FAIM2: variants seen among roughly 807,000 people sequenced by gnomAD.
The protein encoded by FAIM2 is Fas apoptotic inhibitory molecule 2.
Under a neutral mutation model 47.4 loss-of-function variants are expected in FAIM2, and 27 were observed. The ratio of observed to expected loss-of-function variants is 0.57; its 90% confidence interval spans 0.42 to 0.78. The LOEUF (loss-of-function observed/expected upper bound fraction) is 0.78. Ranked by LOEUF, FAIM2 falls within the 30% of genes least tolerant of loss-of-function variation. The probability of loss-of-function intolerance (pLI) is 0.00; values close to 1 mark genes in which losing one functional copy is unlikely to be tolerated. For missense variants in FAIM2, 311 were observed against 389.4 expected (o/e 0.80, Z 1.69); for synonymous variants, 156 against 159.3 (o/e 0.98, Z 0.16).
chr12:49,876,934 G>A (rs1417087248), intron 11 of FAIM2, among the ~76,000 whole-genome samples: 1 of 152,206 alleles, frequency 6.6e-6, no homozygotes, highest in East Asian at 1.9e-4. Context: ...GCACAGAGCA[G>A]TCAGGTCATT....
rs181545006 is a variant in FAIM2, at chr12:49,897,712, G to A, written c.316-129C>T. On this transcript the variant is annotated intron_variant, in intron 3 of 11. Coordinates refer to ENST00000320634, the MANE Select transcript of FAIM2 (RefSeq NM_012306.4). Reference sequence around the variant, plus strand: ...ACCCTCCTTTTTGGGGGTCATTGGAGTGAACCCAGGGCAAGGCGAAAGGAA... The same window carrying A: ...ACCCTCCTTTTTGGGGGTCATTGGAATGAACCCAGGGCAAGGCGAAAGGAA... 1.3e-4 allele frequency: 89 copies of A among 705,234 alleles called. No homozygotes were observed. In the East Asian group the frequency reaches 2.0e-3, roughly 16 times the overall value. The allele number at this position is 705,234 out of a possible 1,614,324, so 43.7% of individuals were successfully genotyped here. A position where few individuals can be genotyped will look rare whatever the true frequency, so the allele number is the denominator to read the frequency against.
At chr12:49,900,831 C>T (rs1037089108) in intron 2 of FAIM2, among the ~76,000 whole-genome samples, 4 of 152,172 alleles carry the variant, frequency 2.6e-5, no homozygotes, top group African/African-American at 4.8e-5. Flanking sequence ...TCTTAACTAG[C>T]CCTTAGCTTT....
rs1281016155 is a variant in FAIM2, at chr12:49,882,293, C to A, written c.801+5093G>T. ...GTGCTAGTTATGGGATAGGCTGGAGCTAGGGGACCACAGAGTCCGCAGGCC... is the reference window on the plus strand; with the variant it reads ...GTGCTAGTTATGGGATAGGCTGGAGATAGGGGACCACAGAGTCCGCAGGCC... On this transcript the variant is annotated intron_variant, in intron 11 of 11. Transcript: ENST00000320634. Among the ~76,000 whole-genome samples, 12 of 152,256 alleles carry A rather than the reference C, an allele frequency of 7.9e-5. No homozygotes were observed. The East Asian group carries it at 2.3e-3, about 30-fold the overall frequency.
intron 5 of FAIM2, among the ~76,000 whole-genome samples, chr12:49,891,471 A>T (rs1001283604): frequency 6.6e-6 from 1 of 152,204 alleles, no homozygotes; most frequent in Non-Finnish European, 1.5e-5. Context: ...TACGAGTATC[A>T]ACGAATGTAA....
chr12:49,896,084 G>A (rs919113027), intron 5 of FAIM2, among the ~76,000 whole-genome samples: 16 of 152,322 alleles, frequency 1.1e-4, no homozygotes, highest in African/African-American at 3.4e-4. Context: ...TGGGCTGCGT[G>A]TACAGGCTCA....
intron 5 of FAIM2, among the ~76,000 whole-genome samples, 166 bp from the exon 6 acceptor site, chr12:49,891,280 G>A (rs1429450907): frequency 6.6e-6 from 1 of 152,074 alleles, no homozygotes; most frequent in Non-Finnish European, 1.5e-5. Context: ...CAGGGTGGTG[G>A]TCCAGTTCCA....
At chr12:49,888,156 C>T (rs115607317) in intron 10 of FAIM2, among the ~76,000 whole-genome samples, 1,546 of 152,296 alleles carry the variant, frequency 0.01, 19 homozygotes, top group African/African-American at 0.035. Context: ...TTTGAAGTTC[C>T]GTGGCCCCTT....
chr12:49,878,732 ATG>A (rs1163168170), intron 11 of FAIM2, among the ~76,000 whole-genome samples: 4 of 110,390 alleles, frequency 3.6e-5, no homozygotes, highest in African/African-American at 1.3e-4. Context: ...GTCTGTGTGC[ATG>A]TGAGTGTATA....
At position 49,903,773 on chromosome 12, in the gene FAIM2, G is replaced by T; in HGVS notation, c.15+5C>A. 1 of 1,549,170 alleles carries T rather than the reference G, an allele frequency of 6.5e-7. No individual in the cohort carries two copies. Among genetic ancestry groups the T allele is most frequent in the Non-Finnish European group, 8.7e-7 (1 of 1,145,954 alleles). ...GGATGGTGCAGGCTGGGGAGATGCC[G>T]GTACCTTTCCCTGGGTCATGGTGCC... is the stretch of plus-strand genomic sequence containing the variant. On this transcript the variant is annotated splice_donor_5th_base_variant and intron_variant, in intron 1 of 11. Transcript: ENST00000320634.
chr12:49,894,615 C>T (rs748376779), intron 5 of FAIM2, among the ~76,000 whole-genome samples: 2 of 152,196 alleles, frequency 1.3e-5, no homozygotes, highest in Non-Finnish European at 2.9e-5. Flanking sequence ...TACAGAATGT[C>T]AGGACAGGGA....
chr12:49,901,489 G>A lies in FAIM2; in HGVS notation c.16-164C>T, dbSNP rs1038800240. 98 of 567,462 alleles carry A rather than the reference G, an allele frequency of 1.7e-4. 1 individual carries two copies. The highest frequency in any genetic ancestry group is 2.8e-4 in the Non-Finnish European group (95 of 337,596). 35.2% of individuals were successfully genotyped at this position (567,462 alleles called of 1,614,324 possible). ...GAATGTCTCTATTTTATAGACAAGAGAACTAAGCTCCAGAGGGGTCAGAGC... is the reference window on the plus strand; with the variant it reads ...GAATGTCTCTATTTTATAGACAAGAAAACTAAGCTCCAGAGGGGTCAGAGC... On this transcript the variant is annotated intron_variant, in intron 1 of 11. Transcript: ENST00000320634.
At chr12:49,899,870 C>A (rs891805323) in intron 2 of FAIM2, among the ~76,000 whole-genome samples, 38 of 152,378 alleles carry the variant, frequency 2.5e-4, no homozygotes, top group African/African-American at 9.1e-4. Flanking sequence ...TAGTAAATGT[C>A]TGTCATAGCT....
Position 49,898,055 on chromosome 12 carries a change from C to T in FAIM2, c.247G>A (p.Gly83Arg), listed in dbSNP as rs142350879. ...SSSYDNGFPT[G>R]DHELFTTFSW... Reference sequence around the variant, plus strand: ...AAAGTGGTGAAGAGCTCATGGTCTCCGGTGGGGAAACCGTTGTCATAGCTG... The same window carrying T: ...AAAGTGGTGAAGAGCTCATGGTCTCTGGTGGGGAAACCGTTGTCATAGCTG... The change falls in exon 3 of 12, where the codon GGA becomes AGA. Residue 83 changes from glycine (G) to arginine (R), a missense_variant. Gly to Arg is a moderately radical substitution (Grantham distance 125). Coordinates refer to ENST00000320634, the MANE Select transcript of FAIM2 (RefSeq NM_012306.4). 4.6e-5 allele frequency: 75 copies of T among 1,613,934 alleles called. No individual in the cohort carries two copies. Among genetic ancestry groups the T allele is most frequent in the Middle Eastern group, 1.6e-4 (1 of 6,084 alleles).
chr12:49,878,344 ATGTG>A (rs1467793527), intron 11 of FAIM2, among the ~76,000 whole-genome samples: 1 of 106,478 alleles, frequency 9.4e-6, no homozygotes, highest in African/African-American at 3.7e-5. Context: ...ATGTGAGTGT[ATGTG>A]TGTGCATGTG....
Position 49,903,717 on chromosome 12 carries a change from G to T in FAIM2, c.15+61C>A, listed in dbSNP as rs965015913. On this transcript the variant is annotated intron_variant, in intron 1 of 11. Coordinates refer to ENST00000320634, the MANE Select transcript of FAIM2 (RefSeq NM_012306.4). Reference sequence around the variant, plus strand: ...TTCGTGGTCCAGAGGGCTTGCTGAGGATGACAGGGAGCCGGGAGCCGGAGG... The same window carrying T: ...TTCGTGGTCCAGAGGGCTTGCTGAGTATGACAGGGAGCCGGGAGCCGGAGG... 5 of 1,547,862 alleles carry T rather than the reference G, an allele frequency of 3.2e-6. No homozygotes were observed. In the African/African-American group the frequency reaches 6.9e-5, roughly 21 times the overall value.
intron 11 of FAIM2, among the ~76,000 whole-genome samples, chr12:49,872,474 G>A (rs1001877121): frequency 6.6e-6 from 1 of 152,224 alleles, no homozygotes; most frequent in Non-Finnish European, 1.5e-5. Context: ...CAGGGGTCAT[G>A]CCCAGTTCCC....
chr12:49,894,235 G>C (rs1946920058), intron 5 of FAIM2, among the ~76,000 whole-genome samples: 1 of 152,210 alleles, frequency 6.6e-6, no homozygotes. Context: ...CCTGGCACAG[G>C]GGTGGGACTC....
intron 5 of FAIM2, among the ~76,000 whole-genome samples, chr12:49,896,717 C>T (rs988027057): frequency 6.6e-6 from 1 of 152,230 alleles, no homozygotes; most frequent in Non-Finnish European, 1.5e-5. Flanking sequence ...AGTGTTCCAG[C>T]CCCACTTCCT....
chr12:49,890,068 C>A (rs1257562529), intron 8 of FAIM2, 49 bp downstream of exon 8: 2 of 1,593,100 alleles, frequency 1.3e-6, no homozygotes, highest in Admixed American at 1.7e-5. Flanking sequence ...TGGTGCCTGG[C>A]TCCAAGCCTG....
Sources: allele counts gnomAD v4.1 joint callset (sites outside exome capture counted in the v4.1 genomes callset), GRCh38; gene constraint gnomAD v4.1.1; transcripts MANE v1.5; gene names NCBI Gene and HGNC (gene_info 2026-07-23, HGNC 2026-07-21).